The following GABRG1 variants were observed in gnomAD, a reference collection of about 807,000 sequenced individuals.
GABRG1 encodes the protein gamma-aminobutyric acid type A receptor subunit gamma1.
GABRG1 carries 49 observed loss-of-function variants against 49.8 expected under a neutral mutation model. The observed-to-expected ratio is 0.98, with a 90% CI of 0.78 to 1.25. GABRG1 has a LOEUF of 1.25. Among genes scored for constraint, GABRG1 ranks in the 50% most tolerant of loss-of-function variants. GABRG1 has a pLI of 0.00. For synonymous variants in GABRG1, 232 were observed against 185.1 expected (o/e 1.25, Z -2.06); for missense variants, 552 against 552.3 (o/e 1.00, Z 0.01).
At chr4:46,066,655 C>A (rs946230604) in intron 3 of GABRG1, among the ~76,000 whole-genome samples, 3 of 151,986 alleles carry the variant, frequency 2.0e-5, no homozygotes, top group Non-Finnish European at 2.9e-5. Context: ...AAGCCTTTGT[C>A]CATAGTAACT....
chr4:46,044,633 G>T (rs961319085), intron 8 of GABRG1, among the ~76,000 whole-genome samples: 1 of 152,084 alleles, frequency 6.6e-6, no homozygotes, highest in Non-Finnish European at 1.5e-5. Context: ...TCTCAGAAAG[G>T]CTCAGTAAAT....
intron 8 of GABRG1, among the ~76,000 whole-genome samples, chr4:46,049,359 G>A (rs1718126487): frequency 1.3e-5 from 2 of 151,972 alleles, no homozygotes; most frequent in South Asian, 2.1e-4. Context: ...CAAGGAGTCA[G>A]ATTTGATTAC....
intron 1 of GABRG1, among the ~76,000 whole-genome samples, chr4:46,100,144 A>T (rs1720331916): frequency 6.6e-6 from 1 of 151,732 alleles, no homozygotes; most frequent in South Asian, 2.1e-4. Flanking sequence ...CAGTATAGAA[A>T]TTTTGTTATA....
At chr4:46,061,078 A>G (rs1718654047) in intron 5 of GABRG1, among the ~76,000 whole-genome samples, 1 of 152,104 alleles carries the variant, frequency 6.6e-6, no homozygotes, top group African/African-American at 2.4e-5. Context: ...ATTAATTACT[A>G]TTAACAACAA....
At chr4:46,069,294 G>T (rs1369068776) in intron 3 of GABRG1, among the ~76,000 whole-genome samples, 2 of 151,988 alleles carry the variant, frequency 1.3e-5, no homozygotes, top group Non-Finnish European at 2.9e-5. Flanking sequence ...TAGTCACATG[G>T]CCAGAAGAGA....
chr4:46,068,789 G>C (rs1403072194), intron 3 of GABRG1, among the ~76,000 whole-genome samples: 1 of 136,382 alleles, frequency 7.3e-6, no homozygotes, highest in East Asian at 2.3e-4. Flanking sequence ...TCATGTTCCT[G>C]TTCACAGGTT....
chr4:46,120,780 G>C (rs777853199), intron 1 of GABRG1, among the ~76,000 whole-genome samples: 16 of 151,634 alleles, frequency 1.1e-4, no homozygotes, highest in Non-Finnish European at 2.1e-4. Context: ...TATGATTATT[G>C]ACTCATGGAA....
At chr4:46,115,549 G>C (rs1460426856) in intron 1 of GABRG1, among the ~76,000 whole-genome samples, 1 of 150,588 alleles carries the variant, frequency 6.6e-6, no homozygotes, top group South Asian at 2.1e-4. Flanking sequence ...AAACTGTAAA[G>C]TAAAATTAAT....
intron 3 of GABRG1, among the ~76,000 whole-genome samples, chr4:46,081,958 C>T (rs1184955872): frequency 2.6e-5 from 4 of 151,794 alleles, no homozygotes; most frequent in Non-Finnish European, 4.4e-5. Context: ...TCTATAACTG[C>T]AAGAAATAGA....
At chr4:46,112,647 T>TA (rs926880242) in intron 1 of GABRG1, among the ~76,000 whole-genome samples, 1 of 151,050 alleles carries the variant, frequency 6.6e-6, no homozygotes, top group Admixed American at 6.6e-5. Context: ...TACATAGCCA[T>TA]AAAAAAGCCA....
chr4:46,080,808 A>T (rs1472514134), intron 3 of GABRG1, among the ~76,000 whole-genome samples: 3 of 151,888 alleles, frequency 2.0e-5, no homozygotes, highest in African/African-American at 7.2e-5. Flanking sequence ...ACATTCCCAT[A>T]TGCTCAAACA....
At chr4:46,102,397 C>T (rs1466426127) in intron 1 of GABRG1, among the ~76,000 whole-genome samples, 1 of 151,630 alleles carries the variant, frequency 6.6e-6, no homozygotes, top group Non-Finnish European at 1.5e-5. Context: ...GGATTCCTAC[C>T]TCCCTGGCCA....
intron 4 of GABRG1, among the ~76,000 whole-genome samples, chr4:46,065,122 C>T (rs1718857447): frequency 6.6e-6 from 1 of 152,072 alleles, no homozygotes; most frequent in African/African-American, 2.4e-5. Flanking sequence ...ATGCTGCAAC[C>T]TGTTCTGCTT....
intron 5 of GABRG1, among the ~76,000 whole-genome samples, chr4:46,062,188 C>G (rs1436320939): frequency 1.3e-5 from 2 of 151,750 alleles, no homozygotes; most frequent in African/African-American, 2.4e-5. Context: ...CATCCATGTC[C>G]CTACAAAGGA....
intron 8 of GABRG1, among the ~76,000 whole-genome samples, chr4:46,042,464 T>C (rs1193952248): frequency 6.6e-6 from 1 of 151,966 alleles, no homozygotes; most frequent in African/African-American, 2.4e-5. Flanking sequence ...ACTTATTGTA[T>C]TCAGCAATTT....
In GABRG1 at chr4:46,065,435, AT is replaced by A; in HGVS notation, c.470del (p.Asp157ValfsTer5). ...DTFFRNSRKS[D>X]AHWITTPNRL... Reference sequence around the variant, plus strand: ...GATTAGGAGTTGTTATCCAGTGAGCATCAGATTTTCTTGAGTTTCTGAAGAA... The same window carrying A: ...GATTAGGAGTTGTTATCCAGTGAGCACAGATTTTCTTGAGTTTCTGAAGAA... On this transcript the variant is annotated frameshift_variant, in exon 4 of 9. Transcript: ENST00000295452. LOFTEE classifies it high-confidence loss of function. 6.2e-7 allele frequency: 1 copy of A among 1,613,756 alleles called. No individual in the cohort carries two copies. Among genetic ancestry groups the A allele is most frequent in the Non-Finnish European group, 8.5e-7 (1 of 1,179,850 alleles).
At chr4:46,113,132 C>G (rs897683147) in intron 1 of GABRG1, among the ~76,000 whole-genome samples, 1 of 151,050 alleles carries the variant, frequency 6.6e-6, no homozygotes. Context: ...AATTCCACAC[C>G]TCCTTGCCCG....
chr4:46,051,875 A>C (rs967885788), intron 7 of GABRG1, among the ~76,000 whole-genome samples: 7 of 151,776 alleles, frequency 4.6e-5, no homozygotes, highest in Non-Finnish European at 8.8e-5. Context: ...CCTGATATCC[A>C]TTCTTCCCTT....
intron 5 of GABRG1, among the ~76,000 whole-genome samples, chr4:46,060,892 T>G (rs1718647503): frequency 6.6e-6 from 1 of 152,122 alleles, no homozygotes; most frequent in Non-Finnish European, 1.5e-5. Context: ...CTGAATCTCA[T>G]GATATTAATT....
Sources: gnomAD v4.1 joint callset for allele counts (sites outside exome capture counted in the v4.1 genomes callset) on GRCh38, gnomAD v4.1.1 for gene constraint, MANE v1.5 for transcripts, NCBI Gene and HGNC (gene_info 2026-07-23, HGNC 2026-07-21) for gene names.